The following EXOC1 variants were observed in gnomAD, a reference collection of about 807,000 sequenced individuals.
The protein encoded by EXOC1 is SEC3-like 1.
EXOC1 carries 67 observed loss-of-function variants against 107.7 expected under a neutral mutation model. That is an observed-to-expected ratio of 0.62 (90% CI 0.51 to 0.76). The LOEUF (loss-of-function observed/expected upper bound fraction) is 0.76, where lower values mean the gene tolerates loss of function less well. Ranked by LOEUF, EXOC1 falls within the 30% of genes least tolerant of loss-of-function variation. EXOC1 has a pLI of 0.00. For synonymous variants in EXOC1, 348 were observed against 353.5 expected (o/e 0.98, Z 0.17); for missense variants, 833 against 1,055.7 (o/e 0.79, Z 2.92).
intron 15 of EXOC1, among the ~76,000 whole-genome samples, chr4:55,894,078 A>G (rs1319082373): frequency 5.3e-5 from 8 of 152,148 alleles, no homozygotes; most frequent in African/African-American, 9.7e-5. Flanking sequence ...TAATGCCAGC[A>G]CTTTTTAAGG....
chr4:55,895,323 G>T (rs1175166425), intron 15 of EXOC1, among the ~76,000 whole-genome samples: 2 of 152,150 alleles, frequency 1.3e-5, no homozygotes, highest in Non-Finnish European at 2.9e-5. Context: ...TGTTTGAGAG[G>T]TGAAGTTACT....
In EXOC1 at chr4:55,896,756, A is replaced by T; in HGVS notation, c.1993A>T (p.Lys665Ter). ...IRQMEEVKIS[K>*]KSKVGILPFV... ...GCAAATGGAAGAAGTAAAGATCTCA[A>T]AAAAGAGTAAAGTTGGAATTCTTCC... Residue 665 changes from lysine (K) to a stop codon, truncating the protein, a stop_gained, in exon 16 of 19, where the codon AAA (lysine) becomes TAA (stop). Coordinates refer to ENST00000381295, the MANE Select transcript of EXOC1 (RefSeq NM_001024924.2). LOFTEE classifies it high-confidence loss of function. 1 of 1,610,674 alleles carries T rather than the reference A, an allele frequency of 6.2e-7. No individual in the cohort carries two copies. The highest frequency in any genetic ancestry group is 8.5e-7 in the Non-Finnish European group (1 of 1,179,138).
chr4:55,890,531 G>GA (rs34003680), intron 12 of EXOC1, 145 bp downstream of exon 12: 64,333 of 296,860 alleles, frequency 0.22, 3,082 homozygotes, highest in Non-Finnish European at 0.25. Flanking sequence ...TCGAATCTGG[G>GA]AAAAAAAAAA....
At chr4:55,881,230 A>G (rs1249151370) in intron 9 of EXOC1, among the ~76,000 whole-genome samples, 4 of 151,984 alleles carry the variant, frequency 2.6e-5, no homozygotes, top group Non-Finnish European at 5.9e-5. Flanking sequence ...TTCGTCTGCA[A>G]CTCTGGGTCA....
rs963397267 is a variant in EXOC1 at position 55,876,965 on chromosome 4, C to T, written c.1075-952C>T. On this transcript the variant is annotated intron_variant, in intron 8 of 18. Transcript: ENST00000381295. ...GTCTTATACTCCCATCTTTCTTTCT[C>T]AGTTACCAAGGAACTCCTCATTTCC... 3 of 985,206 alleles carry T rather than the reference C, an allele frequency of 3.0e-6. No homozygotes were observed. The African/African-American group carries it at 5.2e-5, about 17-fold the overall frequency. The allele number at this position is 985,206 out of a possible 1,614,324, so 61.0% of individuals were successfully genotyped here.
intron 4 of EXOC1, among the ~76,000 whole-genome samples, chr4:55,866,031 A>G (rs942208182): frequency 6.6e-6 from 1 of 152,178 alleles, no homozygotes; most frequent in African/African-American, 2.4e-5. Flanking sequence ...ATTAATGTCT[A>G]CAAACTTGTT....
chr4:55,858,446 A>T lies in EXOC1; in HGVS notation c.123A>T (p.Thr41=), dbSNP rs763689987. The change falls in exon 2 of 19, where the codon ACA becomes ACT. Residue 41 remains threonine (T), a splice_region_variant and synonymous_variant. Transcript: ENST00000381295. ...AAAAGAACTGTTTTTTATGTGCCAC[A>T]GGTGGGTATTTAGTAAGAAAGAGTA... ...KKKKNCFLCA[T]VTTERPVQVK... The T allele has an allele frequency of 6.3e-7, 1 of 1,588,738 alleles. No individual in the cohort carries two copies. The highest frequency in any genetic ancestry group is 1.2e-5 in the South Asian group (1 of 84,916).
intron 16 of EXOC1, 61 bp from the exon 17 acceptor site, chr4:55,899,624 T>A: frequency 6.9e-7 from 1 of 1,443,522 alleles, no homozygotes; most frequent in Non-Finnish European, 9.5e-7. Flanking sequence ...AGTATAAATG[T>A]TTATAGCTAA....
At chr4:55,886,589 A>AAAAAAAG in intron 10 of EXOC1, among the ~76,000 whole-genome samples, 1 of 151,726 alleles carries the variant, frequency 6.6e-6, no homozygotes, top group East Asian at 1.9e-4. Context: ...AAAAAAAAAA[A>AAAAAAAG]CAAGAAATGT....
chr4:55,861,029 G>A (rs1721425247), intron 3 of EXOC1, among the ~76,000 whole-genome samples: 1 of 151,490 alleles, frequency 6.6e-6, no homozygotes, highest in Admixed American at 6.6e-5. Flanking sequence ...TAAGATCTAT[G>A]AAGATATAAA....
intron 9 of EXOC1, among the ~76,000 whole-genome samples, chr4:55,879,398 C>T (rs549461427): frequency 3.3e-5 from 5 of 152,124 alleles, no homozygotes; most frequent in Non-Finnish European, 7.4e-5. Context: ...TAAGGCAGAG[C>T]GTTCCTATTG....
At chr4:55,899,558 G>A (rs1221661293) in intron 16 of EXOC1, 127 bp from the exon 17 acceptor site, 1 of 776,288 alleles carries the variant, frequency 1.3e-6, no homozygotes, top group Non-Finnish European at 2.0e-6. Flanking sequence ...ACAATATATT[G>A]TATTAAGTCC....
At chr4:55,879,837 G>C (rs997123666) in intron 9 of EXOC1, among the ~76,000 whole-genome samples, 3 of 152,088 alleles carry the variant, frequency 2.0e-5, no homozygotes, top group African/African-American at 7.2e-5. Flanking sequence ...TTATCTGTAA[G>C]TTTTTGTGAA....
At chr4:55,879,795 T>G (rs1723216601) in intron 9 of EXOC1, among the ~76,000 whole-genome samples, 1 of 152,234 alleles carries the variant, frequency 6.6e-6, no homozygotes, top group Non-Finnish European at 1.5e-5. Context: ...TTATTAAAAT[T>G]CTGAAATACT....
At chr4:55,893,286 A>G (rs1015283059) in intron 14 of EXOC1, among the ~76,000 whole-genome samples, 1 of 151,930 alleles carries the variant, frequency 6.6e-6, no homozygotes, top group African/African-American at 2.4e-5. Context: ...CGTCTGGCTA[A>G]TTTTTGTACT....
At chr4:55,858,270 T>C in intron 1 of EXOC1, 44 bp from the exon 2 acceptor site, 2 of 1,511,804 alleles carry the variant, frequency 1.3e-6, no homozygotes, top group Non-Finnish European at 1.8e-6. Flanking sequence ...TAAGATGGAA[T>C]GATGTTGAGG....
intron 10 of EXOC1, chr4:55,888,682 A>G (rs566546267): frequency 1.3e-4 from 70 of 544,334 alleles, no homozygotes; most frequent in African/African-American, 1.3e-3. Flanking sequence ...CAATACATTA[A>G]AAGTAAAGTT....
intron 10 of EXOC1, among the ~76,000 whole-genome samples, chr4:55,887,461 G>A (rs1227750042): frequency 2.6e-5 from 4 of 152,100 alleles, no homozygotes; most frequent in African/African-American, 9.7e-5. Context: ...TTACATTCTA[G>A]TGGGGATTAT....
chr4:55,893,781 G>GT lies in EXOC1; in HGVS notation c.1953+2dup. The GT allele has an allele frequency of 6.2e-7, 1 of 1,607,718 alleles. No homozygotes were observed. The highest frequency in any genetic ancestry group is 8.5e-7 in the Non-Finnish European group (1 of 1,177,334). ...CAAAAGGAACTTTGACAAATGCATTGTAAGTTTTCTTTTTTAAAAAAATAC... is the reference window on the plus strand; with the variant it reads ...CAAAAGGAACTTTGACAAATGCATTGTTAAGTTTTCTTTTTTAAAAAAATAC... On this transcript the variant is annotated splice_donor_variant, in intron 15 of 18. Transcript: ENST00000381295. LOFTEE classifies it high-confidence loss of function.
Sources: allele counts gnomAD v4.1 joint callset (sites outside exome capture counted in the v4.1 genomes callset), GRCh38; gene constraint gnomAD v4.1.1; transcripts MANE v1.5; gene names NCBI Gene and HGNC (gene_info 2026-07-23, HGNC 2026-07-21).